Variants in PDE11A observed in about 807,000 individuals in gnomAD.
The protein encoded by PDE11A is phosphodiesterase 11A, also known as dual 3',5'-cyclic-AMP and -GMP phosphodiesterase 11A.
PDE11A carries 100 observed loss-of-function variants against 100.5 expected under a neutral mutation model. That is an observed-to-expected ratio of 1.00 (90% CI 0.85 to 1.18). PDE11A has a LOEUF of 1.18. PDE11A is among the 50% of genes most tolerant of loss of function. The pLI is 0.00. For missense variants in PDE11A, 1,141 were observed against 1,152.6 expected (o/e 0.99, Z 0.15); for synonymous variants, 381 against 420.8 (o/e 0.91, Z 1.16).
rs1420285201 is a variant in PDE11A, at chr2:177,759,232, C to G, written c.1788+10091G>C. ...ACACAAATGGAAACAGTATCAGGAG[C>G]TAATTCAGAATAGCTAAAATTTCTG... On this transcript the variant is annotated intron_variant, in intron 10 of 19. Transcript: ENST00000286063. Among the ~76,000 whole-genome samples, 4 of 151,952 alleles carry G rather than the reference C, an allele frequency of 2.6e-5. No homozygotes were observed. The East Asian group carries it at 5.8e-4, about 22-fold the overall frequency.
intron 2 of PDE11A, among the ~76,000 whole-genome samples, chr2:177,932,296 A>C (rs980841233): frequency 1.3e-5 from 2 of 152,218 alleles, no homozygotes; most frequent in South Asian, 2.1e-4. Context: ...ATTCTTCCCT[A>C]ATTCATTCTA....
At chr2:178,017,089 G>A (rs1379093672) in intron 1 of PDE11A, among the ~76,000 whole-genome samples, 2 of 152,216 alleles carry the variant, frequency 1.3e-5, no homozygotes, top group African/African-American at 4.8e-5. Flanking sequence ...ATTCTGGCAT[G>A]CATATTATAC....
rs762130674 is a variant in PDE11A, at chr2:178,017,960, AAAAG to A, written c.913-3504_913-3501del. The stretch of plus-strand genomic sequence containing the variant: ...GGGCGAGTGAGACTCCGTCTCAAAA[AAAAG>A]AAAGAAAGAAAAACAATTCAGGAGC... On this transcript the variant is annotated intron_variant, in intron 1 of 19. Transcript: ENST00000286063. The A allele has an allele frequency of 9.5e-4, 146 of 154,244 alleles. 3 individuals carry two copies. Among genetic ancestry groups the A allele is most frequent in the Middle Eastern group, 3.1e-3 (1 of 326 alleles). 9.6% of individuals were successfully genotyped at this position (154,244 alleles called of 1,614,324 possible).
chr2:177,837,240 T>C (rs2083417719), intron 6 of PDE11A, among the ~76,000 whole-genome samples: 2 of 152,162 alleles, frequency 1.3e-5, no homozygotes, highest in East Asian at 3.8e-4. Context: ...TTCTGTATGG[T>C]TCTATCAGAA....
chr2:177,751,187 G>T (rs1450064178), intron 10 of PDE11A, among the ~76,000 whole-genome samples: 2 of 151,772 alleles, frequency 1.3e-5, no homozygotes, highest in Non-Finnish European at 1.5e-5. Flanking sequence ...CTTTTCCTGG[G>T]GTCAGATCTG....
chr2:177,911,576 A>C (rs575782172), intron 2 of PDE11A, among the ~76,000 whole-genome samples: 20 of 152,310 alleles, frequency 1.3e-4, no homozygotes, highest in South Asian at 1.0e-3. Flanking sequence ...AATAAATATA[A>C]AACATTGTTT....
intron 10 of PDE11A, among the ~76,000 whole-genome samples, chr2:177,746,774 G>A (rs1403937445): frequency 6.6e-6 from 1 of 152,188 alleles, no homozygotes; most frequent in Non-Finnish European, 1.5e-5. Context: ...ATACAAGTAA[G>A]CCTGAACAGA....
At chr2:177,742,254 C>T (rs2081883004) in intron 10 of PDE11A, among the ~76,000 whole-genome samples, 1 of 151,854 alleles carries the variant, frequency 6.6e-6, no homozygotes, top group South Asian at 2.1e-4. Flanking sequence ...ACATGACTAT[C>T]CTGTTTAGAA....
intron 15 of PDE11A, among the ~76,000 whole-genome samples, chr2:177,691,653 TCA>T (rs2081042100): frequency 6.6e-6 from 1 of 152,044 alleles, no homozygotes; most frequent in South Asian, 2.1e-4. Flanking sequence ...ACTCCAAACC[TCA>T]GTTTCCTCAT....
At chr2:177,748,588 C>T (rs1168038458) in intron 10 of PDE11A, among the ~76,000 whole-genome samples, 2 of 152,004 alleles carry the variant, frequency 1.3e-5, no homozygotes, top group Admixed American at 1.3e-4. Flanking sequence ...AAGCTTCTTG[C>T]TCTTATCTAG....
chr2:178,064,666 A>G (rs896319062), intron 1 of PDE11A, among the ~76,000 whole-genome samples: 5 of 151,746 alleles, frequency 3.3e-5, no homozygotes, highest in African/African-American at 7.2e-5. Flanking sequence ...AAAAAAAAAA[A>G]GTAGACACCC....
intron 5 of PDE11A, among the ~76,000 whole-genome samples, chr2:177,845,767 G>A (rs371993999): frequency 3.9e-5 from 6 of 152,338 alleles, no homozygotes; most frequent in South Asian, 2.1e-4. Flanking sequence ...ACGAGACTCC[G>A]TCTGCAATCC....
At chr2:177,664,620 C>T (rs1372866919) in intron 18 of PDE11A, among the ~76,000 whole-genome samples, 1 of 152,076 alleles carries the variant, frequency 6.6e-6, no homozygotes, top group Non-Finnish European at 1.5e-5. Flanking sequence ...TTCTGTTGGG[C>T]AGACTTAAGG....
chr2:177,929,468 A>G (rs2085177531), intron 2 of PDE11A, among the ~76,000 whole-genome samples: 2 of 152,172 alleles, frequency 1.3e-5, no homozygotes, highest in African/African-American at 4.8e-5. Flanking sequence ...GTATGCTATA[A>G]CTGTATTTTA....
At chr2:177,872,123 T>A (rs986821637) in intron 5 of PDE11A, among the ~76,000 whole-genome samples, 1 of 152,192 alleles carries the variant, frequency 6.6e-6, no homozygotes, top group Admixed American at 6.5e-5. Flanking sequence ...TTTTAATTTT[T>A]AAAAAATCTC....
chr2:177,846,863 A>T (rs1369998141), intron 5 of PDE11A, among the ~76,000 whole-genome samples: 1 of 152,182 alleles, frequency 6.6e-6, no homozygotes, highest in East Asian at 1.9e-4. Context: ...ACCATCAGTG[A>T]CAGGAAACTC....
rs1171436656 is a variant in PDE11A, at chr2:177,868,338, G to GA, written c.1367+7520dup. The stretch of plus-strand genomic sequence containing the variant: ...GAAATCATAGATGAGCTAAGGGATG[G>GA]AAAAGCCACAGGAAAAACAAAGCGG... On this transcript the variant is annotated intron_variant, in intron 5 of 19. Transcript: ENST00000286063. 3.3e-5 allele frequency among the ~76,000 whole-genome samples: 5 copies of GA among 150,314 alleles called. 1 individual carries two copies. In the Middle Eastern group the frequency reaches 9.5e-3, roughly 285 times the overall value.
At chr2:177,947,466 C>T (rs1438186994) in intron 2 of PDE11A, among the ~76,000 whole-genome samples, 1 of 152,192 alleles carries the variant, frequency 6.6e-6, no homozygotes, top group Admixed American at 6.5e-5. Flanking sequence ...TGTGACCTTG[C>T]CCCCAACCCT....
chr2:177,633,586 T>C (rs982840943), intron 19 of PDE11A, among the ~76,000 whole-genome samples: 6 of 152,232 alleles, frequency 3.9e-5, no homozygotes, highest in Non-Finnish European at 8.8e-5. Flanking sequence ...ACTAGTTATT[T>C]CATATGATAA....
Sources: gnomAD v4.1 joint callset for allele counts (sites outside exome capture counted in the v4.1 genomes callset) on GRCh38, gnomAD v4.1.1 for gene constraint, MANE v1.5 for transcripts, NCBI Gene and HGNC (gene_info 2026-07-23, HGNC 2026-07-21) for gene names.